The following TRAPPC9 variants were observed in gnomAD, a reference collection of about 807,000 sequenced individuals.
The protein encoded by TRAPPC9 is trafficking protein particle complex subunit 9.
A neutral mutation model predicts 124.0 loss-of-function variants in TRAPPC9; 83 were observed. The ratio of observed to expected loss-of-function variants is 0.67; its 90% CI spans 0.56 to 0.80. The LOEUF (loss-of-function observed/expected upper bound fraction) is 0.80, where lower values mean the gene tolerates loss of function less well. TRAPPC9 is among the 30% of genes least tolerant of loss of function. The pLI, the probability that TRAPPC9 is intolerant of heterozygous loss-of-function variation, is 0.00. For missense variants in TRAPPC9, 1,302 were observed against 1,508.3 expected (o/e 0.86, Z 2.27); for synonymous variants, 638 against 617.5 (o/e 1.03, Z -0.49).
At chr8:139,931,959 A>C (rs1177529090) in intron 19 of TRAPPC9, 1 of 202,472 alleles carries the variant, frequency 4.9e-6, no homozygotes, top group Non-Finnish European at 1.0e-5. Context: ...TTGTTTTGCC[A>C]CACATCCAAA....
chr8:140,348,617 C>A (rs1020165626), intron 9 of TRAPPC9, among the ~76,000 whole-genome samples: 21 of 151,732 alleles, frequency 1.4e-4, no homozygotes, highest in Non-Finnish European at 2.9e-5. Flanking sequence ...AGAAAGGGAA[C>A]AAAAAAAAGC....
At chr8:140,061,426 G>A (rs931742500) in intron 17 of TRAPPC9, among the ~76,000 whole-genome samples, 5 of 152,170 alleles carry the variant, frequency 3.3e-5, no homozygotes, top group African/African-American at 1.2e-4. Flanking sequence ...GGATACACAA[G>A]TCCGGTTCTC....
chr8:139,836,450 T>TG (rs142829952), intron 21 of TRAPPC9, among the ~76,000 whole-genome samples: 8 of 151,974 alleles, frequency 5.3e-5, no homozygotes, highest in Non-Finnish European at 1.5e-5. Flanking sequence ...GGGAAGCCGC[T>TG]GGGGGGACCT....
intron 17 of TRAPPC9, among the ~76,000 whole-genome samples, chr8:140,045,322 T>C (rs183211993): frequency 2.6e-5 from 4 of 152,288 alleles, no homozygotes; most frequent in South Asian, 2.1e-4. Flanking sequence ...ACAAGGACCT[T>C]GGGTTTAACA....
intron 17 of TRAPPC9, chr8:140,040,551 T>A (rs941468581): frequency 2.6e-5 from 4 of 152,236 alleles, no homozygotes; most frequent in Non-Finnish European, 5.9e-5. Flanking sequence ...CCCGCTAATT[T>A]TTTTGTATTT....
At chr8:140,068,719 C>T (rs1468679022) in intron 17 of TRAPPC9, among the ~76,000 whole-genome samples, 1 of 152,152 alleles carries the variant, frequency 6.6e-6, no homozygotes, top group Non-Finnish European at 1.5e-5. Flanking sequence ...AATTAGTTTA[C>T]CACAAACAGC....
At chr8:140,400,701 T>C (rs528788071) in intron 6 of TRAPPC9, among the ~76,000 whole-genome samples, 5 of 152,144 alleles carry the variant, frequency 3.3e-5, no homozygotes, top group Admixed American at 6.5e-5. Context: ...TCTCCTAGCT[T>C]CAAGCCAGGA....
intron 16 of TRAPPC9, among the ~76,000 whole-genome samples, chr8:140,251,066 C>A (rs2131496250): frequency 6.6e-6 from 1 of 152,304 alleles, no homozygotes; most frequent in East Asian, 1.9e-4. Context: ...ATTCAAACAA[C>A]CAAGCACAAA....
rs1822079328 is a variant in TRAPPC9 at position 139,784,616 on chromosome 8, TA to T, written c.3056-52415del. Among the ~76,000 whole-genome samples, 5 of 103,894 alleles carry T rather than the reference TA, an allele frequency of 4.8e-5. No individual in the cohort carries two copies. The Admixed American group carries it at 5.6e-4, about 12-fold the overall frequency. The allele number at this position is 103,894 out of a possible 152,430, so 68.2% of individuals were successfully genotyped here. On this transcript the variant is annotated intron_variant, in intron 21 of 22. Coordinates refer to ENST00000438773, the MANE Select transcript of TRAPPC9 (RefSeq NM_001160372.4). ...AATAAATAAAAGACTGACATATATATATATATATATATATATATATATATAT... is the reference window on the plus strand; with the variant it reads ...AATAAATAAAAGACTGACATATATATTATATATATATATATATATATATAT...
At chr8:140,014,095 C>A (rs1338383353) in intron 18 of TRAPPC9, among the ~76,000 whole-genome samples, 1 of 152,174 alleles carries the variant, frequency 6.6e-6, no homozygotes, top group Non-Finnish European at 1.5e-5. Flanking sequence ...GCTGTCCCCA[C>A]CACACAGGGA....
At chr8:139,771,942 T>C (rs1820994952) in intron 21 of TRAPPC9, among the ~76,000 whole-genome samples, 1 of 152,178 alleles carries the variant, frequency 6.6e-6, no homozygotes, top group African/African-American at 2.4e-5. Context: ...CCAGCATGGA[T>C]CTGGGTGGCT....
At chr8:140,443,168 G>A (rs2071095874) in intron 2 of TRAPPC9, among the ~76,000 whole-genome samples, 1 of 145,226 alleles carries the variant, frequency 6.9e-6, no homozygotes, top group South Asian at 2.2e-4. Context: ...AGGCGCGGTG[G>A]CTCACACCTG....
At chr8:140,011,853 T>A (rs1839158675) in intron 18 of TRAPPC9, among the ~76,000 whole-genome samples, 1 of 151,974 alleles carries the variant, frequency 6.6e-6, no homozygotes. Context: ...AATTTTTGTA[T>A]TTTTTGTAGA....
Position 139,885,950 on chromosome 8 carries a change from C to T in TRAPPC9, c.2984G>A (p.Gly995Asp), listed in dbSNP as rs1347270811. ...CAGGAGTCCTTCCACACTCGCCTCG[C>T]CACTGCGCTTCAGGGAGGGGTGAGC... ...CWRIPSLKRS[G>D]EASVEGLLNQ... Residue 995 changes from glycine (G) to aspartate (D), a missense_variant, in exon 21 of 23, where the codon GGC becomes GAC. Coordinates refer to ENST00000438773, the MANE Select transcript of TRAPPC9 (RefSeq NM_001160372.4). 1 of 1,569,584 alleles carries T rather than the reference C, an allele frequency of 6.4e-7. No homozygotes were observed.
chr8:140,439,963 G>C (rs1053156159), intron 2 of TRAPPC9, among the ~76,000 whole-genome samples: 1 of 151,998 alleles, frequency 6.6e-6, no homozygotes, highest in Non-Finnish European at 1.5e-5. Context: ...AAGATGTGAC[G>C]TTTCTAAGTA....
At chr8:140,448,576 T>A (rs1485997139) in intron 2 of TRAPPC9, among the ~76,000 whole-genome samples, 1 of 152,178 alleles carries the variant, frequency 6.6e-6, no homozygotes, top group Non-Finnish European at 1.5e-5. Flanking sequence ...GAGGAAGGCA[T>A]GAGTCAAGGG....
At chr8:140,388,570 C>T (rs1411194351) in intron 7 of TRAPPC9, among the ~76,000 whole-genome samples, 1 of 152,080 alleles carries the variant, frequency 6.6e-6, no homozygotes. Context: ...GTAATCCCAG[C>T]TACTCAGGAG....
rs566382173 is a variant in TRAPPC9 at position 139,729,175 on chromosome 8, G to A, written c.*1886C>T. Among the ~76,000 whole-genome samples the A allele has an allele frequency of 4.6e-5, 7 of 152,346 alleles. No homozygotes were observed. In the South Asian group the frequency reaches 1.4e-3, roughly 32 times the overall value. ...TTCAGGTCACTCTTCTACAGGGGAT[G>A]TGTATCCTTTCTACCTTTTAAACAT... is the stretch of plus-strand genomic sequence containing the variant. On this transcript the variant is annotated 3_prime_UTR_variant, in exon 23 of 23. Coordinates refer to ENST00000438773, the MANE Select transcript of TRAPPC9 (RefSeq NM_001160372.4).
At chr8:140,273,361 T>C (rs557833609) in intron 15 of TRAPPC9, among the ~76,000 whole-genome samples, 8 of 152,362 alleles carry the variant, frequency 5.3e-5, no homozygotes, top group African/African-American at 1.9e-4. Flanking sequence ...TGGTGTGGCC[T>C]GTCTCCTGCC....
Sources: gnomAD v4.1 joint callset for allele counts (sites outside exome capture counted in the v4.1 genomes callset) on GRCh38, gnomAD v4.1.1 for gene constraint, MANE v1.5 for transcripts, NCBI Gene and HGNC (gene_info 2026-07-23, HGNC 2026-07-21) for gene names.